TAFA5: variants seen among roughly 807,000 people sequenced by gnomAD.
The protein encoded by TAFA5 is chemokine-like protein TAFA-5.
A neutral mutation model predicts 15.3 loss-of-function variants in TAFA5; 6 were observed. That is an observed-to-expected ratio of 0.39 (90% CI 0.21 to 0.77). TAFA5 has a LOEUF of 0.77. Among genes scored for constraint, TAFA5 ranks in the 30% least tolerant of loss-of-function variants. TAFA5 has a pLI of 0.41. For missense variants in TAFA5, 161 were observed against 193.1 expected, an observed-to-expected ratio of 0.83 and a Z score of 0.98; for synonymous variants, 103 against 80.7, an observed-to-expected ratio of 1.28 and a Z score of -1.48.
chr22:48,662,153 G>C (rs1239219591), intron 2 of TAFA5, among the ~76,000 whole-genome samples: 2 of 152,158 alleles, frequency 1.3e-5, no homozygotes, highest in Admixed American at 1.3e-4. Context: ...CTGGGGCTCG[G>C]CCTGGGTGGT....
Position 48,530,349 on chromosome 22 carries a change from A to G in TAFA5, c.112+40645A>G, listed in dbSNP as rs1036572715. Among the ~76,000 whole-genome samples the G allele has an allele frequency of 3.3e-5, 5 of 152,266 alleles. No individual in the cohort carries two copies. Among genetic ancestry groups the G allele is most frequent in the Non-Finnish European group, 7.4e-5 (5 of 68,000 alleles). ...AAACACAGAGTGAAGGAACCTCTGG[A>G]GGGCACAGGGGCCATCACCTGCTGG... On this transcript the variant is annotated intron_variant, in intron 1 of 3. Coordinates refer to ENST00000402357, the MANE Select transcript of TAFA5 (RefSeq NM_001082967.3). This position sits in a 1 kb window ranked among gnomAD's most constrained non-coding sequence, Gnocchi z 6.0.
At chr22:48,664,571 A>G (rs2147216831) in intron 2 of TAFA5, among the ~76,000 whole-genome samples, 1 of 152,266 alleles carries the variant, frequency 6.6e-6, no homozygotes, top group South Asian at 2.1e-4. Flanking sequence ...CAAATTGGAA[A>G]TTGTAAGTGC....
rs144442818 is a variant in TAFA5 at position 48,690,505 on chromosome 22, C to G, written c.263-17212C>G. Among the ~76,000 whole-genome samples the G allele has an allele frequency of 1.6e-3, 243 of 152,292 alleles. 2 individuals are homozygous for G. The highest frequency in any genetic ancestry group is 5.5e-3 in the African/African-American group (229 of 41,558). Reference sequence around the variant, plus strand: ...GCGAGATCCCAGGTGCTGGCCCTCCCACAGGCTTACAGTGATGACCAGCCC... The same window carrying G: ...GCGAGATCCCAGGTGCTGGCCCTCCGACAGGCTTACAGTGATGACCAGCCC... On this transcript the variant is annotated intron_variant, in intron 2 of 3. Transcript: ENST00000402357.
chr22:48,574,368 G>T (rs984187236), intron 1 of TAFA5, among the ~76,000 whole-genome samples: 2 of 152,170 alleles, frequency 1.3e-5, no homozygotes, highest in Non-Finnish European at 2.9e-5. Context: ...GCTGGGCACC[G>T]CGAGCCAGGT....
rs1322483018 is a variant in TAFA5 at position 48,530,161 on chromosome 22, CGAG to C, written c.112+40468_112+40470del. On this transcript the variant is annotated intron_variant, in intron 1 of 3. Transcript: ENST00000402357. The surrounding 1 kb of genome is among the most constrained non-coding windows in gnomAD (Gnocchi z 6.0). Reference sequence around the variant, plus strand: ...CACCTGCTCTGTCTCCATGGCGACTCGAGGAGGAGGAGGCTGGGCCTGCATCAC... The same window carrying C: ...CACCTGCTCTGTCTCCATGGCGACTCGAGGAGGAGGCTGGGCCTGCATCAC... 5.3e-5 allele frequency among the ~76,000 whole-genome samples: 8 copies of C among 152,084 alleles called. No individual in the cohort carries two copies. The highest frequency in any genetic ancestry group is 4.6e-4 in the Admixed American group (7 of 15,286).
intron 1 of TAFA5, among the ~76,000 whole-genome samples, chr22:48,562,354 G>A (rs921158087): frequency 6.6e-6 from 1 of 152,164 alleles, no homozygotes; most frequent in African/African-American, 2.4e-5. Context: ...TAGCCAGGAT[G>A]GTCTCGATCT....
At chr22:48,673,442 G>T (rs1403806979) in intron 2 of TAFA5, among the ~76,000 whole-genome samples, 1 of 152,208 alleles carries the variant, frequency 6.6e-6, no homozygotes, top group African/African-American at 2.4e-5. Flanking sequence ...GATTAGGCCT[G>T]TAAGCCTGGG....
intron 1 of TAFA5, among the ~76,000 whole-genome samples, chr22:48,524,945 A>C (rs1241339941): frequency 1.3e-5 from 2 of 152,030 alleles, no homozygotes; most frequent in Non-Finnish European, 2.9e-5. Flanking sequence ...AGCCAGGTGT[A>C]TGTGCCTGGC....
chr22:48,560,102 T>TG lies in TAFA5; in HGVS notation c.112+70402dup, dbSNP rs934753914. ...ACCGATGCCTTCGCAGCATAGGATT[T>TG]GGGGACCTCCACGTGCCGTCCCATG... On this transcript the variant is annotated intron_variant, in intron 1 of 3. Coordinates refer to ENST00000402357, the MANE Select transcript of TAFA5 (RefSeq NM_001082967.3). This position sits in a 1 kb window ranked among gnomAD's most constrained non-coding sequence, Gnocchi z 4.2. Among the ~76,000 whole-genome samples the TG allele has an allele frequency of 2.0e-5, 3 of 152,140 alleles. No individual in the cohort carries two copies. The highest frequency in any genetic ancestry group is 4.4e-5 in the Non-Finnish European group (3 of 68,020).
At chr22:48,665,486 G>A (rs571823836) in intron 2 of TAFA5, among the ~76,000 whole-genome samples, 38 of 152,256 alleles carry the variant, frequency 2.5e-4, no homozygotes, top group Middle Eastern at 6.8e-3. Flanking sequence ...ACGTTCTCTC[G>A]CGTTCTTGTC....
chr22:48,719,756 T>C (rs1929513437), intron 3 of TAFA5, among the ~76,000 whole-genome samples: 2 of 152,238 alleles, frequency 1.3e-5, no homozygotes, highest in Admixed American at 6.5e-5. Context: ...CAATCCATTT[T>C]GCGTTCTTTT....
intron 1 of TAFA5, chr22:48,544,834 C>A: frequency 2.1e-6 from 1 of 471,248 alleles, no homozygotes; most frequent in Non-Finnish European, 4.4e-6. Context: ...GGGTCCCACG[C>A]TGCCTCTGAG....
At chr22:48,555,082 C>A (rs573498914) in intron 1 of TAFA5, among the ~76,000 whole-genome samples, 1 of 152,368 alleles carries the variant, frequency 6.6e-6, no homozygotes, top group South Asian at 2.1e-4. Flanking sequence ...ACTCCCACTG[C>A]AGGGCCACCC....
chr22:48,565,683 C>T (rs180808188), intron 1 of TAFA5, among the ~76,000 whole-genome samples: 3 of 152,358 alleles, frequency 2.0e-5, no homozygotes, highest in Non-Finnish European at 4.4e-5. Flanking sequence ...CCGGGACTTG[C>T]ACCCACCGCA....
chr22:48,651,394 C>T (rs1217298264), intron 2 of TAFA5, among the ~76,000 whole-genome samples: 1 of 152,186 alleles, frequency 6.6e-6, no homozygotes, highest in Non-Finnish European at 1.5e-5. Flanking sequence ...AGGCTGTGCC[C>T]AGGAAGGGGC....
intron 1 of TAFA5, among the ~76,000 whole-genome samples, chr22:48,625,302 T>C (rs1368261903): frequency 5.3e-5 from 8 of 152,116 alleles, no homozygotes; most frequent in African/African-American, 1.9e-4. Flanking sequence ...CCACCATATC[T>C]ATGTTGAGGT....
chr22:48,656,963 G>A (rs1386670155), intron 2 of TAFA5, among the ~76,000 whole-genome samples: 3 of 151,952 alleles, frequency 2.0e-5, no homozygotes, highest in African/African-American at 4.8e-5. Flanking sequence ...TAGAGATGGG[G>A]TTTCACTGTG....
At position 48,532,367 on chromosome 22, in the gene TAFA5, G is replaced by A. The variant is rs150679451; in HGVS notation, c.112+42663G>A. Among the ~76,000 whole-genome samples the A allele has an allele frequency of 8.0e-3, 1,223 of 152,350 alleles. 5 individuals carry two copies. Among genetic ancestry groups the A allele is most frequent in the Admixed American group, 0.012 (178 of 15,306 alleles). On this transcript the variant is annotated intron_variant, in intron 1 of 3. Coordinates refer to ENST00000402357, the MANE Select transcript of TAFA5 (RefSeq NM_001082967.3). ...CTGACAGCTCGGATCTTTCCGGTGA[G>A]GAGTACATGTTGGAAACACGTATTT...
rs140272390 is a variant in TAFA5 at position 48,584,429 on chromosome 22, A to G, written c.113-62168A>G. On this transcript the variant is annotated intron_variant, in intron 1 of 3. Transcript: ENST00000402357. ...TAGATACACATGGCACACAAAATAT[A>G]CTATGTAAATACACCACACACGTAC... 2.5e-3 allele frequency among the ~76,000 whole-genome samples: 368 copies of G among 149,988 alleles called. 2 individuals are homozygous for G. The highest frequency in any genetic ancestry group is 8.4e-3 in the African/African-American group (342 of 40,594).
Sources: gnomAD v4.1 joint callset for allele counts (sites outside exome capture counted in the v4.1 genomes callset) on GRCh38, gnomAD v4.1.1 for gene constraint, Gnocchi (gnomAD v3.1) non-coding constraint, MANE v1.5 for transcripts, NCBI Gene and HGNC (gene_info 2026-07-23, HGNC 2026-07-21) for gene names.